NOVA1: variants seen among roughly 807,000 people sequenced by gnomAD.
NOVA1 encodes NOVA alternative splicing regulator 1, also known as RNA-binding protein Nova-1.
In NOVA1, 7 loss-of-function variants were observed where a neutral mutation model predicts 38.0. The ratio of observed to expected loss-of-function variants is 0.18; its 90% confidence interval spans 0.10 to 0.35. NOVA1 has a LOEUF of 0.35. Ranked by LOEUF, NOVA1 falls within the 10% of genes least tolerant of loss-of-function variation. The pLI, the probability that NOVA1 is intolerant of heterozygous loss-of-function variation, is 1.00. For synonymous variants in NOVA1, 270 were observed against 232.5 expected (o/e 1.16, Z -1.47); for missense variants, 460 against 616.0 (o/e 0.75, Z 2.68).
At chr14:26,490,203 G>A (rs190436553) in intron 2 of NOVA1, among the ~76,000 whole-genome samples, 7 of 152,100 alleles carry the variant, frequency 4.6e-5, no homozygotes, top group South Asian at 4.1e-4. Context: ...TTATTACAGC[G>A]TAACAATATT....
intron 2 of NOVA1, among the ~76,000 whole-genome samples, chr14:26,570,240 G>C (rs890111639): frequency 1.3e-5 from 2 of 151,996 alleles, no homozygotes; most frequent in Non-Finnish European, 2.9e-5. Context: ...CCAGATACTT[G>C]AGAGGCTGAG....
chr14:26,475,911 A>G (rs1884948494), intron 3 of NOVA1, among the ~76,000 whole-genome samples: 1 of 152,184 alleles, frequency 6.6e-6, no homozygotes, highest in Admixed American at 6.5e-5. Flanking sequence ...CTTTCAAGCA[A>G]GTCTGCAGTA....
At chr14:26,565,275 A>T (rs150996244) in intron 2 of NOVA1, among the ~76,000 whole-genome samples, 1 of 152,282 alleles carries the variant, frequency 6.6e-6, no homozygotes, top group Admixed American at 6.5e-5. Flanking sequence ...TTGAGTTATC[A>T]TCAGCCCCCA....
At chr14:26,503,054 C>T (rs1157072949) in intron 2 of NOVA1, among the ~76,000 whole-genome samples, 2 of 151,994 alleles carry the variant, frequency 1.3e-5, no homozygotes, top group Admixed American at 6.6e-5. Flanking sequence ...TTCTTTTCCA[C>T]ATAGGTTCTC....
In NOVA1 at chr14:26,571,146, T is replaced by A. The variant is rs974709780; in HGVS notation, c.280+24264A>T. 1.4e-4 allele frequency among the ~76,000 whole-genome samples: 21 copies of A among 149,914 alleles called. No individual in the cohort carries two copies. The South Asian group carries it at 1.5e-3, about 10-fold the overall frequency. On this transcript the variant is annotated intron_variant, in intron 2 of 4. Coordinates refer to ENST00000539517, the MANE Select transcript of NOVA1 (RefSeq NM_002515.3). ...TTGAATTAAATAATATGGATTAAAATATATATATATATATGATGTTTAATG... is the reference window on the plus strand; with the variant it reads ...TTGAATTAAATAATATGGATTAAAAAATATATATATATATGATGTTTAATG...
chr14:26,452,469 A>G (rs1043967011), intron 4 of NOVA1, among the ~76,000 whole-genome samples: 1 of 152,190 alleles, frequency 6.6e-6, no homozygotes. Context: ...AGAATTATGT[A>G]AGATAGATTA....
intron 1 of NOVA1, chr14:26,596,995 G>C (rs987278944): frequency 8.1e-7 from 1 of 1,236,704 alleles, no homozygotes; most frequent in Non-Finnish European, 1.0e-6. Context: ...TTCTTGCCCA[G>C]GTCTAGGATA....
At chr14:26,532,717 T>G (rs1023162034) in intron 2 of NOVA1, among the ~76,000 whole-genome samples, 3 of 152,208 alleles carry the variant, frequency 2.0e-5, no homozygotes, top group Non-Finnish European at 2.9e-5. Flanking sequence ...ACGAGACTTT[T>G]GTACCTTTTG....
intron 4 of NOVA1, among the ~76,000 whole-genome samples, chr14:26,452,640 C>A (rs1437920985): frequency 6.6e-6 from 1 of 152,188 alleles, no homozygotes; most frequent in East Asian, 1.9e-4. Context: ...GAAAAATACA[C>A]ATATTCTTAT....
At chr14:26,477,694 G>A (rs1885098176) in intron 3 of NOVA1, among the ~76,000 whole-genome samples, 1 of 151,992 alleles carries the variant, frequency 6.6e-6, no homozygotes, top group Non-Finnish European at 1.5e-5. Context: ...TTTTTCAGAA[G>A]TAAAATTAAG....
At chr14:26,453,041 T>G (rs1882835990) in intron 4 of NOVA1, among the ~76,000 whole-genome samples, 1 of 152,180 alleles carries the variant, frequency 6.6e-6, no homozygotes, top group Admixed American at 6.5e-5. Context: ...GATATTTCCC[T>G]AATGGTCTTT....
chr14:26,475,330 C>T (rs1211186397), intron 3 of NOVA1, among the ~76,000 whole-genome samples: 2 of 152,138 alleles, frequency 1.3e-5, no homozygotes, highest in South Asian at 2.1e-4. Context: ...CTGCACCTGG[C>T]CTGTTGCCTT....
intron 2 of NOVA1, among the ~76,000 whole-genome samples, chr14:26,522,033 T>A (rs1169440626): frequency 6.6e-6 from 1 of 152,078 alleles, no homozygotes; most frequent in Non-Finnish European, 1.5e-5. Context: ...TCTTATGTAT[T>A]TTATTTTTGA....
chr14:26,499,845 T>TG (rs1205732054), intron 2 of NOVA1, among the ~76,000 whole-genome samples: 1 of 152,154 alleles, frequency 6.6e-6, no homozygotes, highest in African/African-American at 2.4e-5. Flanking sequence ...AATTCCAGCG[T>TG]GGTCTCAAAG....
chr14:26,539,540 T>C (rs1338121463), intron 2 of NOVA1, among the ~76,000 whole-genome samples: 7 of 151,982 alleles, frequency 4.6e-5, no homozygotes, highest in Non-Finnish European at 7.4e-5. Context: ...TGTATATATA[T>C]GTGTATATGC....
At chr14:26,505,907 T>A (rs1269385539) in intron 2 of NOVA1, among the ~76,000 whole-genome samples, 3 of 152,170 alleles carry the variant, frequency 2.0e-5, no homozygotes, top group Non-Finnish European at 2.9e-5. Flanking sequence ...GGATTGAAAT[T>A]TAAACAGCCT....
intron 2 of NOVA1, among the ~76,000 whole-genome samples, chr14:26,503,194 T>TC (rs1180026691): frequency 2.0e-5 from 3 of 152,054 alleles, no homozygotes; most frequent in African/African-American, 7.2e-5. Flanking sequence ...TATTTATTCC[T>TC]TAATATATGA....
At position 26,582,987 on chromosome 14, in the gene NOVA1, C is replaced by T. The variant is rs189668628; in HGVS notation, c.280+12423G>A. Among the ~76,000 whole-genome samples, 168 of 151,858 alleles carry T rather than the reference C, an allele frequency of 1.1e-3. 1 individual carries two copies. The highest frequency in any genetic ancestry group is 6.4e-3 in the South Asian group (31 of 4,830). On this transcript the variant is annotated intron_variant, in intron 2 of 4. Transcript: ENST00000539517. ...TTGGGTGTTCGTATGCAGAGACATT[C>T]TAGTTTTTAAACAAGATGTCAAATA...
chr14:26,526,380 T>G (rs1889299941), intron 2 of NOVA1, among the ~76,000 whole-genome samples: 1 of 152,182 alleles, frequency 6.6e-6, no homozygotes, highest in Non-Finnish European at 1.5e-5. Flanking sequence ...AAGGCTGATG[T>G]TGCTTGGAAA....
Sources: gnomAD v4.1 joint callset for allele counts (sites outside exome capture counted in the v4.1 genomes callset) on GRCh38, gnomAD v4.1.1 for gene constraint, MANE v1.5 for transcripts, NCBI Gene and HGNC (gene_info 2026-07-23, HGNC 2026-07-21) for gene names.